Variants in FBLN1 observed in about 807,000 individuals in gnomAD.
FBLN1 encodes the protein fibulin-1.
In FBLN1, 34 loss-of-function variants were observed where a neutral mutation model predicts 89.7. That is an observed-to-expected ratio of 0.38 (90% CI 0.29 to 0.50). The LOEUF (loss-of-function observed/expected upper bound fraction) is 0.50, where lower values mean the gene tolerates loss of function less well. FBLN1 is among the 20% of genes least tolerant of loss of function. The probability of loss-of-function intolerance (pLI) is 0.92; values close to 1 mark genes in which losing one functional copy is unlikely to be tolerated. For missense variants in FBLN1, 777 were observed against 988.1 expected, an observed-to-expected ratio of 0.79 and a Z score of 2.86; for synonymous variants, 393 against 391.3, an observed-to-expected ratio of 1.00 and a Z score of -0.05.
At chr22:45,565,871 G>A (rs1412050645) in intron 14 of FBLN1, 2 of 153,538 alleles carry the variant, frequency 1.3e-5, no homozygotes, top group Non-Finnish European at 2.9e-5. Flanking sequence ...AGACCAGCCT[G>A]GCCAACATGG....
rs1046987427 is a variant in FBLN1 at position 45,576,318 on chromosome 22, G to A, written c.1841-659G>A. ...TGAGTGTTGGTTATCGCAGGGAGCC[G>A]AGTGCCGTTGGGACACCTGTTAGCA... is the stretch of plus-strand genomic sequence containing the variant. On this transcript the variant is annotated intron_variant, in intron 15 of 16. Coordinates refer to ENST00000327858, the MANE Select transcript of FBLN1 (RefSeq NM_006486.3). The surrounding 1 kb of genome is among the most constrained non-coding windows in gnomAD (Gnocchi z 5.2). Among the ~76,000 whole-genome samples the A allele has an allele frequency of 5.9e-5, 9 of 152,156 alleles. No homozygotes were observed. The highest frequency in any genetic ancestry group is 4.1e-4 in the South Asian group (2 of 4,826).
At chr22:45,506,809 T>G (rs1602156028) in intron 1 of FBLN1, among the ~76,000 whole-genome samples, 1 of 152,340 alleles carries the variant, frequency 6.6e-6, no homozygotes, top group East Asian at 1.9e-4. Context: ...GGTGAGACTT[T>G]AAGCCCGGGC....
intron 1 of FBLN1, among the ~76,000 whole-genome samples, chr22:45,511,895 G>A (rs561721537): frequency 1.3e-5 from 2 of 152,320 alleles, no homozygotes; most frequent in South Asian, 2.1e-4. Context: ...TTTTGCAAGA[G>A]TTTGCTCTTG....
At position 45,563,598 on chromosome 22, in the gene FBLN1, A is replaced by T. The variant is rs1238759025; in HGVS notation, c.1698-10913A>T. On this transcript the variant is annotated intron_variant, in intron 14 of 16. Transcript: ENST00000327858. The surrounding 1 kb of genome is among the most constrained non-coding windows in gnomAD (Gnocchi z 5.7). ...GTTAACTTGTCTTCATTTGTGTTGA[A>T]CCCAAAGAATAAAGGTGGTGGTGGA... 1.3e-5 allele frequency among the ~76,000 whole-genome samples: 2 copies of T among 152,106 alleles called. No individual in the cohort carries two copies. The highest frequency in any genetic ancestry group is 4.8e-5 in the African/African-American group (2 of 41,426).
intron 2 of FBLN1, 23 bp downstream of exon 2, chr22:45,518,810 T>G: frequency 6.4e-7 from 1 of 1,557,732 alleles, no homozygotes; most frequent in Admixed American, 1.8e-5. Context: ...GTGGCCACTG[T>G]TTCACTGGAA....
In FBLN1 at chr22:45,576,215, G is replaced by C. The variant is rs2088995948; in HGVS notation, c.1841-762G>C. Reference sequence around the variant, plus strand: ...GGTATTTGCCTTTTGCAAAATGATGGGGTTTCACCAAACCACATACAAATC... The same window carrying C: ...GGTATTTGCCTTTTGCAAAATGATGCGGTTTCACCAAACCACATACAAATC... On this transcript the variant is annotated intron_variant, in intron 15 of 16. Coordinates refer to ENST00000327858, the MANE Select transcript of FBLN1 (RefSeq NM_006486.3). This position sits in a 1 kb window ranked among gnomAD's most constrained non-coding sequence, Gnocchi z 5.2. Among the ~76,000 whole-genome samples, 1 of 152,170 alleles carries C rather than the reference G, an allele frequency of 6.6e-6. No homozygotes were observed. The highest frequency in any genetic ancestry group is 1.5e-5 in the Non-Finnish European group (1 of 68,024).
rs1435521318 is a variant in FBLN1 at position 45,563,478 on chromosome 22, T to A, written c.1698-11033T>A. On this transcript the variant is annotated intron_variant, in intron 14 of 16. Transcript: ENST00000327858. This position sits in a 1 kb window ranked among gnomAD's most constrained non-coding sequence, Gnocchi z 5.7. ...CCCCCGAGGGCTGACTGAGGAGCGC[T>A]CCCCACTAGAGGGTGTGTGCTCGGG... The A allele has an allele frequency of 2.9e-6, 3 of 1,029,186 alleles. No homozygotes were observed. The highest frequency in any genetic ancestry group is 4.1e-6 in the Non-Finnish European group (3 of 723,894). 63.8% of individuals were successfully genotyped at this position (1,029,186 alleles called of 1,614,324 possible).
At position 45,600,565 on chromosome 22, in the gene FBLN1, A is replaced by G; in HGVS notation, c.*119A>G. On this transcript the variant is annotated 3_prime_UTR_variant, in exon 17 of 17. Transcript: ENST00000327858. Reference sequence around the variant, plus strand: ...TTTAATGTTAGGTATTTGTAGCATTAGGCCAACATGTATTAAGCTGAGCCA... The same window carrying G: ...TTTAATGTTAGGTATTTGTAGCATTGGGCCAACATGTATTAAGCTGAGCCA... The G allele has an allele frequency of 8.5e-7, 1 of 1,174,656 alleles. No individual in the cohort carries two copies. Among genetic ancestry groups the G allele is most frequent in the Non-Finnish European group, 1.3e-6 (1 of 782,990 alleles). 72.8% of individuals were successfully genotyped at this position (1,174,656 alleles called of 1,614,324 possible).
intron 11 of FBLN1, among the ~76,000 whole-genome samples, chr22:45,543,906 G>A (rs2088592168): frequency 6.6e-6 from 1 of 152,210 alleles, no homozygotes. Context: ...GCGAAAACTG[G>A]ACACTTGTTT....
chr22:45,548,394 C>T (rs1443740411), intron 12 of FBLN1, among the ~76,000 whole-genome samples: 1 of 152,220 alleles, frequency 6.6e-6, no homozygotes, highest in Non-Finnish European at 1.5e-5. Context: ...TTTCCCCCTG[C>T]CCGCCACATG....
In FBLN1 at chr22:45,550,773, A is replaced by G; in HGVS notation, c.1697+158A>G. 3.8e-6 allele frequency: 4 copies of G among 1,046,822 alleles called. No homozygotes were observed. Among genetic ancestry groups the G allele is most frequent in the Non-Finnish European group, 5.8e-6 (4 of 683,928 alleles). 64.8% of individuals were successfully genotyped at this position (1,046,822 alleles called of 1,614,324 possible). A position where few individuals can be genotyped will look rare whatever the true frequency, so the allele number is the denominator to read the frequency against. On this transcript the variant is annotated intron_variant, in intron 14 of 16. Coordinates refer to ENST00000327858, the MANE Select transcript of FBLN1 (RefSeq NM_006486.3). This position sits in a 1 kb window ranked among gnomAD's most constrained non-coding sequence, Gnocchi z 8.4. ...CCTGATCCCTGGCCCTCAAGCCCCT[A>G]AATGCTAGTGACACTGGTCTCGGAA... is the stretch of plus-strand genomic sequence containing the variant.
At chr22:45,528,806 G>A (rs1040839548) in intron 4 of FBLN1, among the ~76,000 whole-genome samples, 4 of 152,134 alleles carry the variant, frequency 2.6e-5, no homozygotes, top group Non-Finnish European at 4.4e-5. Context: ...GACTAACTCC[G>A]GTTGTCGGAG....
chr22:45,585,445 C>T (rs565079400), intron 16 of FBLN1, among the ~76,000 whole-genome samples: 4 of 152,320 alleles, frequency 2.6e-5, no homozygotes, highest in East Asian at 3.9e-4. Flanking sequence ...GAGTTTGGCC[C>T]GGGATCAGTA....
At chr22:45,506,468 T>C (rs1385032705) in intron 1 of FBLN1, among the ~76,000 whole-genome samples, 1 of 152,102 alleles carries the variant, frequency 6.6e-6, no homozygotes, top group Non-Finnish European at 1.5e-5. Flanking sequence ...ACCCAGTTTT[T>C]CCCCCTCATG....
At chr22:45,523,447 A>T (rs1455370594) in intron 2 of FBLN1, among the ~76,000 whole-genome samples, 3 of 152,220 alleles carry the variant, frequency 2.0e-5, no homozygotes, top group Non-Finnish European at 1.5e-5. Flanking sequence ...TCACGCCTAT[A>T]ATCCCACCAC....
Position 45,537,738 on chromosome 22 carries a change from A to T in FBLN1, c.922+2401A>T, listed in dbSNP as rs1189883247. Among the ~76,000 whole-genome samples the T allele has an allele frequency of 6.6e-6, 1 of 151,870 alleles. No homozygotes were observed. Among genetic ancestry groups the T allele is most frequent in the Non-Finnish European group, 1.5e-5 (1 of 67,990 alleles). Reference sequence around the variant, plus strand: ...GCTTCCCTGTCATCCCCTGGGGGAGACTTCTGAGCTGGGGCGCTGTGGCTC... The same window carrying T: ...GCTTCCCTGTCATCCCCTGGGGGAGTCTTCTGAGCTGGGGCGCTGTGGCTC... On this transcript the variant is annotated intron_variant, in intron 8 of 16. Coordinates refer to ENST00000327858, the MANE Select transcript of FBLN1 (RefSeq NM_006486.3). The surrounding 1 kb of genome is among the most constrained non-coding windows in gnomAD (Gnocchi z 5.7).
intron 14 of FBLN1, among the ~76,000 whole-genome samples, chr22:45,567,684 T>C (rs1249687144): frequency 1.3e-5 from 2 of 152,058 alleles, no homozygotes; most frequent in Admixed American, 1.3e-4. Flanking sequence ...TGAAGCTCTC[T>C]AGATCCCAAC....
At chr22:45,540,360 C>T (rs186292494) in intron 8 of FBLN1, among the ~76,000 whole-genome samples, 18 of 152,308 alleles carry the variant, frequency 1.2e-4, no homozygotes, top group Admixed American at 1.2e-3. Context: ...CTTTTGTAAA[C>T]TGTAAATTGC....
intron 4 of FBLN1, 133 bp downstream of exon 4, chr22:45,528,142 C>A (rs1459811452): frequency 1.9e-6 from 2 of 1,031,842 alleles, no homozygotes; most frequent in East Asian, 5.1e-5. Context: ...AGTCCAAAAT[C>A]TGCAGGGCAG....
Sources: allele counts gnomAD v4.1 joint callset (sites outside exome capture counted in the v4.1 genomes callset), GRCh38; gene constraint gnomAD v4.1.1; non-coding constraint Gnocchi (gnomAD v3.1); transcripts MANE v1.5; gene names NCBI Gene and HGNC (gene_info 2026-07-23, HGNC 2026-07-21).